LY86: variants seen among roughly 807,000 people sequenced by gnomAD.
LY86 encodes lymphocyte antigen 86, also known as MD-1, RP105-associated.
In LY86, 20 loss-of-function variants were observed where a neutral mutation model predicts 17.3. The ratio of observed to expected loss-of-function variants is 1.15; its 90% CI spans 0.81 to 1.68. LY86 has a LOEUF of 1.68. Among genes scored for constraint, LY86 ranks in the 40% most tolerant of loss-of-function variants. The pLI, the probability that LY86 is intolerant of heterozygous loss-of-function variation, is 0.00. For synonymous variants in LY86, 74 were observed against 70.6 expected (o/e 1.05, Z -0.24); for missense variants, 200 against 191.9 (o/e 1.04, Z -0.25).
At chr6:6,605,991 T>C (rs1295480163) in intron 1 of LY86, among the ~76,000 whole-genome samples, 1 of 152,128 alleles carries the variant, frequency 6.6e-6, no homozygotes, top group Admixed American at 6.5e-5. Flanking sequence ...CCAGCAAAAT[T>C]TACTGCGAAA....
intron 3 of LY86, among the ~76,000 whole-genome samples, chr6:6,629,688 G>A (rs1016508443): frequency 1.3e-5 from 2 of 152,254 alleles, no homozygotes; most frequent in East Asian, 3.8e-4. Context: ...GTCAGGCTTA[G>A]TGAGACTGAA....
intron 1 of LY86, among the ~76,000 whole-genome samples, chr6:6,605,654 T>C (rs1761096465): frequency 6.6e-6 from 1 of 152,272 alleles, no homozygotes; most frequent in Admixed American, 6.5e-5. Context: ...TATGTTCTAC[T>C]GTGTCTGGAA....
chr6:6,603,549 T>C (rs1322109240), intron 1 of LY86, among the ~76,000 whole-genome samples: 1 of 139,696 alleles, frequency 7.2e-6, no homozygotes, highest in Non-Finnish European at 1.5e-5. Context: ...AACAACAAAA[T>C]GATGAGGTCT....
chr6:6,653,649 T>C (rs1762219106), intron 4 of LY86, among the ~76,000 whole-genome samples: 1 of 152,212 alleles, frequency 6.6e-6, no homozygotes, highest in African/African-American at 2.4e-5. Flanking sequence ...AGCCATTCTT[T>C]CTGTGATGGT....
chr6:6,643,513 A>T (rs1164251715), intron 3 of LY86, among the ~76,000 whole-genome samples: 1 of 152,180 alleles, frequency 6.6e-6, no homozygotes, highest in African/African-American at 2.4e-5. Flanking sequence ...GGAGCATGGG[A>T]AAGGAAGAGA....
intron 3 of LY86, among the ~76,000 whole-genome samples, chr6:6,629,789 T>G (rs926619621): frequency 6.6e-6 from 1 of 152,252 alleles, no homozygotes; most frequent in Non-Finnish European, 1.5e-5. Context: ...TCTTTCAGTA[T>G]GATTACTTAT....
chr6:6,595,075 T>G (rs1760655244), intron 1 of LY86, among the ~76,000 whole-genome samples: 1 of 150,704 alleles, frequency 6.6e-6, no homozygotes, highest in Non-Finnish European at 1.5e-5. Flanking sequence ...AAGCAGTCTG[T>G]GGACCAGCAA....
At chr6:6,603,215 T>G (rs1218463260) in intron 1 of LY86, among the ~76,000 whole-genome samples, 1 of 152,118 alleles carries the variant, frequency 6.6e-6, no homozygotes, top group Non-Finnish European at 1.5e-5. Flanking sequence ...ATTAATATGA[T>G]TGCATTAGGA....
intron 1 of LY86, among the ~76,000 whole-genome samples, chr6:6,612,216 T>C (rs1028167164): frequency 1.5e-4 from 23 of 152,196 alleles, no homozygotes; most frequent in Non-Finnish European, 2.9e-4. Flanking sequence ...CCCTCACAGT[T>C]AAGTTCTTCA....
At chr6:6,604,887 A>G (rs1761048723) in intron 1 of LY86, among the ~76,000 whole-genome samples, 1 of 152,068 alleles carries the variant, frequency 6.6e-6, no homozygotes, top group Non-Finnish European at 1.5e-5. Context: ...AAAAGAAGTT[A>G]TAGACTGACA....
intron 1 of LY86, among the ~76,000 whole-genome samples, chr6:6,596,222 G>A (rs1230720563): frequency 6.6e-6 from 1 of 152,158 alleles, no homozygotes; most frequent in Non-Finnish European, 1.5e-5. Flanking sequence ...ACAGAATAGA[G>A]GGTAAGCTGC....
intron 3 of LY86, 56 bp from the exon 4 acceptor site, chr6:6,649,569 G>T: frequency 9.2e-7 from 1 of 1,082,898 alleles, no homozygotes; most frequent in South Asian, 1.4e-5. Flanking sequence ...TCATGTGAAT[G>T]AATCATTTTT....
At chr6:6,628,345 C>G in intron 3 of LY86, among the ~76,000 whole-genome samples, 1 of 147,400 alleles carries the variant, frequency 6.8e-6, no homozygotes, top group Non-Finnish European at 1.5e-5. Context: ...CTCCCTTCCT[C>G]CCTTCTTCAG....
rs139269722 is a variant in LY86, at chr6:6,588,800, C to T, written c.66C>T (p.Gly22=). The T allele has an allele frequency of 2.0e-4, 317 of 1,614,156 alleles. No homozygotes were observed. In the African/African-American group the frequency reaches 2.9e-3, roughly 15 times the overall value. ...TLIFPSCSGG[G]GGKAWPTHVV... ...TTTTTCCCAGCTGCAGTGGAGGCGG[C>T]GGTGGGAAAGCCTGGCCCACACACG... Residue 22 remains glycine, a synonymous_variant, in exon 1 of 5, where the codon GGC becomes GGT. Transcript: ENST00000230568.
chr6:6,628,478 G>C (rs1330497443), intron 3 of LY86, among the ~76,000 whole-genome samples: 1 of 151,936 alleles, frequency 6.6e-6, no homozygotes, highest in Non-Finnish European at 1.5e-5. Flanking sequence ...CCCTTAGCAT[G>C]TGTGGCCCAC....
intron 3 of LY86, among the ~76,000 whole-genome samples, chr6:6,647,510 T>C (rs1652997581): frequency 6.6e-6 from 1 of 152,214 alleles, no homozygotes; most frequent in Non-Finnish European, 1.5e-5. Context: ...CCAGTGTTCT[T>C]GTCAAGGTCA....
chr6:6,615,447 T>A (rs1222064628), intron 1 of LY86, among the ~76,000 whole-genome samples: 1 of 152,146 alleles, frequency 6.6e-6, no homozygotes, highest in Non-Finnish European at 1.5e-5. Context: ...GAAGGCAGGC[T>A]GCGGTGGCTC....
intron 1 of LY86, among the ~76,000 whole-genome samples, chr6:6,608,665 A>C (rs996018782): frequency 3.3e-5 from 5 of 152,240 alleles, no homozygotes; most frequent in African/African-American, 1.2e-4. Context: ...AAATGTTCTG[A>C]AGACACATGA....
intron 3 of LY86, among the ~76,000 whole-genome samples, chr6:6,630,008 G>A (rs1169471535): frequency 2.0e-5 from 3 of 152,182 alleles, no homozygotes; most frequent in African/African-American, 7.2e-5. Context: ...GAATCCTATT[G>A]TATAAAATGT....
Sources: gnomAD v4.1 joint callset for allele counts (sites outside exome capture counted in the v4.1 genomes callset) on GRCh38, gnomAD v4.1.1 for gene constraint, MANE v1.5 for transcripts, NCBI Gene and HGNC (gene_info 2026-07-23, HGNC 2026-07-21) for gene names.